SYT17: variants seen among roughly 807,000 people sequenced by gnomAD.
SYT17 encodes the protein synaptotagmin 17, also known as synaptotagmin-17.
Under a neutral mutation model 46.7 loss-of-function variants are expected in SYT17, and 22 were observed. The observed-to-expected ratio is 0.47, with a 90% CI of 0.34 to 0.67. The LOEUF is 0.67. Ranked by LOEUF, SYT17 falls within the 30% of genes least tolerant of loss-of-function variation. The pLI is 0.01. For missense variants in SYT17, 519 were observed against 612.8 expected, an observed-to-expected ratio of 0.85 and a Z score of 1.62; for synonymous variants, 251 against 248.4, an observed-to-expected ratio of 1.01 and a Z score of -0.10.
In SYT17 at chr16:19,184,545, C is replaced by G. The variant is rs1446840300; in HGVS notation, c.951+398C>G. ...GGACTATAGGCGCCCGCCACCACGC[C>G]CTGCTAATTTTTTTGTATTTTTTTT... On this transcript the variant is annotated intron_variant, in intron 5 of 7. Coordinates refer to ENST00000355377, the MANE Select transcript of SYT17 (RefSeq NM_016524.4). Among the ~76,000 whole-genome samples, 15 of 144,384 alleles carry G rather than the reference C, an allele frequency of 1.0e-4. No individual in the cohort carries two copies. In the Admixed American group the frequency reaches 1.1e-3, roughly 10 times the overall value. 94.7% of individuals were successfully genotyped at this position (144,384 alleles called of 152,430 possible).
chr16:19,205,580 C>T lies in SYT17; in HGVS notation c.952-17465C>T, dbSNP rs1207273922. Among the ~76,000 whole-genome samples, 3 of 152,250 alleles carry T rather than the reference C, an allele frequency of 2.0e-5. 1 individual carries two copies. The highest frequency in any genetic ancestry group is 4.1e-4 in the South Asian group (2 of 4,824). The stretch of plus-strand genomic sequence containing the variant: ...TCAGCCTCCTGAGTATCTGGGACTA[C>T]AGGCATGTACCACCACACCCAGCTA... On this transcript the variant is annotated intron_variant, in intron 5 of 7. Transcript: ENST00000355377.
chr16:19,184,156 T>C lies in SYT17; in HGVS notation c.951+9T>C. 1 of 1,599,422 alleles carries C rather than the reference T, an allele frequency of 6.3e-7. No homozygotes were observed. Among genetic ancestry groups the C allele is most frequent in the Non-Finnish European group, 8.6e-7 (1 of 1,169,462 alleles). ...TGATTCCCAGTTCTCAGGTAAGGGATGGGTTTGTGGTGTTTCCTCCTGGGA... is the reference window on the plus strand; with the variant it reads ...TGATTCCCAGTTCTCAGGTAAGGGACGGGTTTGTGGTGTTTCCTCCTGGGA... On this transcript the variant is annotated intron_variant, in intron 5 of 7. Coordinates refer to ENST00000355377, the MANE Select transcript of SYT17 (RefSeq NM_016524.4).
intron 5 of SYT17, among the ~76,000 whole-genome samples, chr16:19,188,898 T>C (rs1415183660): frequency 6.6e-6 from 1 of 151,952 alleles, no homozygotes; most frequent in East Asian, 1.9e-4. Flanking sequence ...CTTCTCTTCT[T>C]TTTTTTTGAG....
intron 5 of SYT17, among the ~76,000 whole-genome samples, chr16:19,191,001 C>A (rs1012213327): frequency 3.9e-5 from 6 of 151,914 alleles, no homozygotes; most frequent in African/African-American, 1.5e-4. Flanking sequence ...GGTTCATTTT[C>A]TCTTGAGTTC....
chr16:19,263,166 A>G (rs1378404169), intron 7 of SYT17, among the ~76,000 whole-genome samples: 1 of 152,054 alleles, frequency 6.6e-6, no homozygotes, highest in Non-Finnish European at 1.5e-5. Context: ...TGTGCAACCA[A>G]CACCACTATC....
intron 5 of SYT17, among the ~76,000 whole-genome samples, chr16:19,208,986 G>A (rs770130292): frequency 2.2e-5 from 3 of 135,958 alleles, no homozygotes; most frequent in Admixed American, 8.5e-5. Context: ...TCTGCCTTTC[G>A]GGTTCAAGGG....
intron 7 of SYT17, among the ~76,000 whole-genome samples, chr16:19,230,105 G>A (rs1248252305): frequency 6.6e-6 from 1 of 152,120 alleles, no homozygotes; most frequent in Non-Finnish European, 1.5e-5. Context: ...TTCATTTGGG[G>A]AAGATAAGAA....
intron 5 of SYT17, among the ~76,000 whole-genome samples, chr16:19,222,296 C>CT (rs36041003): frequency 0.35 from 51,802 of 150,138 alleles, 9,642 homozygotes; most frequent in East Asian, 0.66. Flanking sequence ...TTCTACAATA[C>CT]TTTTTTTTTT....
At chr16:19,257,760 T>A (rs1344633033) in intron 7 of SYT17, among the ~76,000 whole-genome samples, 1 of 152,068 alleles carries the variant, frequency 6.6e-6, no homozygotes, top group Non-Finnish European at 1.5e-5. Flanking sequence ...ATCAAAGAGG[T>A]AGATCGCCGG....
chr16:19,226,926 C>T (rs1270085474), intron 7 of SYT17, among the ~76,000 whole-genome samples: 4 of 152,090 alleles, frequency 2.6e-5, no homozygotes, highest in Non-Finnish European at 5.9e-5. Flanking sequence ...TAATGAGTGA[C>T]ACCATGAAAA....
intron 3 of SYT17, 165 bp from the exon 4 acceptor site, chr16:19,180,226 C>T (rs924304623): frequency 7.9e-6 from 5 of 633,982 alleles, no homozygotes; most frequent in South Asian, 6.4e-5. Flanking sequence ...AAAAGCAAGA[C>T]GTTGTTGAGA....
intron 4 of SYT17, among the ~76,000 whole-genome samples, chr16:19,182,234 A>T (rs1332210777): frequency 1.3e-5 from 2 of 152,090 alleles, no homozygotes; most frequent in African/African-American, 2.4e-5. Flanking sequence ...GGCCAACATG[A>T]TGAAATTCCA....
chr16:19,244,727 A>T (rs1201045907), intron 7 of SYT17, among the ~76,000 whole-genome samples: 1 of 152,046 alleles, frequency 6.6e-6, no homozygotes, highest in Non-Finnish European at 1.5e-5. Flanking sequence ...GGCGCCTTCC[A>T]TCTCATGGCT....
At chr16:19,206,073 G>T (rs1965660274) in intron 5 of SYT17, among the ~76,000 whole-genome samples, 1 of 152,140 alleles carries the variant, frequency 6.6e-6, no homozygotes, top group Admixed American at 6.5e-5. Flanking sequence ...AGTATATTTG[G>T]GTTACATAGT....
At chr16:19,202,261 C>T (rs961179591) in intron 5 of SYT17, among the ~76,000 whole-genome samples, 4 of 152,164 alleles carry the variant, frequency 2.6e-5, no homozygotes, top group Admixed American at 1.3e-4. Context: ...GGAGTTCCCA[C>T]GACCCCCTCC....
chr16:19,259,663 A>T (rs1282006611), intron 7 of SYT17, among the ~76,000 whole-genome samples: 1 of 149,798 alleles, frequency 6.7e-6, no homozygotes, highest in Non-Finnish European at 1.5e-5. Context: ...GACTTGTGAC[A>T]TCAATTCTGA....
At chr16:19,219,378 C>T (rs1331809811) in intron 5 of SYT17, among the ~76,000 whole-genome samples, 1 of 58,298 alleles carries the variant, frequency 1.7e-5, no homozygotes, top group East Asian at 6.4e-4. Flanking sequence ...GTCCGCAGTC[C>T]GGCCTGGGCG....
intron 7 of SYT17, among the ~76,000 whole-genome samples, chr16:19,231,686 AG>A (rs1240650709): frequency 6.7e-6 from 1 of 150,268 alleles, no homozygotes; most frequent in Non-Finnish European, 1.5e-5. Context: ...CTGAGGTGGG[AG>A]GGGGTGGGAC....
intron 3 of SYT17, among the ~76,000 whole-genome samples, chr16:19,174,228 G>T (rs759852253): frequency 2.0e-5 from 3 of 152,190 alleles, no homozygotes; most frequent in Non-Finnish European, 2.9e-5. Context: ...ATCTCCATCT[G>T]CCAGTCGCTC....
Sources: gnomAD v4.1 joint callset for allele counts (sites outside exome capture counted in the v4.1 genomes callset) on GRCh38, gnomAD v4.1.1 for gene constraint, MANE v1.5 for transcripts, NCBI Gene and HGNC (gene_info 2026-07-23, HGNC 2026-07-21) for gene names.